Variants in ALYREF observed in about 807,000 individuals in gnomAD.
ALYREF encodes THO complex subunit 4.
In ALYREF, 1 loss-of-function variant was observed where a neutral mutation model predicts 25.2. The ratio of observed to expected loss-of-function variants is 0.04; its 90% CI spans 0.01 to 0.19. The LOEUF (loss-of-function observed/expected upper bound fraction) is 0.19, where lower values mean the gene tolerates loss of function less well. Ranked by LOEUF, ALYREF falls within the 10% of genes least tolerant of loss-of-function variation. The probability of loss-of-function intolerance (pLI) is 1.00; values close to 1 mark genes in which losing one functional copy is unlikely to be tolerated. For synonymous variants in ALYREF, 193 were observed against 153.5 expected (o/e 1.26, Z -1.90); for missense variants, 328 against 375.6 (o/e 0.87, Z 1.05).
At chr17:81,889,053 AAGAG>A in intron 3 of ALYREF, 125 bp downstream of exon 3, 1 of 1,471,922 alleles carries the variant, frequency 6.8e-7, no homozygotes, top group Non-Finnish European at 9.1e-7. Flanking sequence ...TGGCAGATGG[AAGAG>A]AGAGACAAAG....
In ALYREF at chr17:81,890,831, A is replaced by T. The variant is rs1456292689; in HGVS notation, c.259-11T>A. On this transcript the variant is annotated splice_polypyrimidine_tract_variant and intron_variant, in intron 1 of 5. Transcript: ENST00000505490. Reference sequence around the variant, plus strand: ...GGGAAGTTGTTTTGGCTGAAAAAAAAACCGCAACAAGAGCAGATCTGTGAG... The same window carrying T: ...GGGAAGTTGTTTTGGCTGAAAAAAATACCGCAACAAGAGCAGATCTGTGAG... 3.1e-6 allele frequency: 5 copies of T among 1,613,796 alleles called. No homozygotes were observed. Among genetic ancestry groups the T allele is most frequent in the Non-Finnish European group, 4.2e-6 (5 of 1,179,974 alleles).
chr17:81,889,692 G>A, intron 2 of ALYREF: 1 of 227,902 alleles, frequency 4.4e-6, no homozygotes, highest in Non-Finnish European at 9.1e-6. Flanking sequence ...CAAGAGCAAG[G>A]GAAGCAGTCC....
chr17:81,890,969 G>T (rs1030157880), intron 1 of ALYREF, 149 bp from the exon 2 acceptor site: 3 of 1,235,040 alleles, frequency 2.4e-6, no homozygotes, highest in Non-Finnish European at 3.3e-6. Flanking sequence ...CGCTGCAGCT[G>T]CCCCAGCCCG....
Position 81,888,088 on chromosome 17 carries a change from G to C in ALYREF, c.*43C>G, listed in dbSNP as rs377486921. 3.7e-6 allele frequency: 6 copies of C among 1,613,314 alleles called. No individual in the cohort carries two copies. On this transcript the variant is annotated 3_prime_UTR_variant, in exon 6 of 6. Coordinates refer to ENST00000505490, the MANE Select transcript of ALYREF (RefSeq NM_005782.4). This position sits in a 1 kb window ranked among gnomAD's most constrained non-coding sequence, Gnocchi z 5.8. ...CCGCCCCCCAACCAGGGAGCAAGAG[G>C]AGACGCCTGGGTCCTGTTCCGCACG...
intron 1 of ALYREF, 43 bp downstream of exon 1, chr17:81,891,268 CCCAGCCCCGGCT>C (rs1324754894): frequency 3.6e-6 from 4 of 1,099,592 alleles, no homozygotes; most frequent in Non-Finnish European, 4.4e-6. Context: ...CGGCCCCGGC[CCCAGCCCCGGCT>C]GGCCCCCTCC....
intron 1 of ALYREF, 49 bp downstream of exon 1, chr17:81,891,274 C>G (rs2039523257): frequency 2.7e-6 from 3 of 1,105,440 alleles, no homozygotes. Flanking sequence ...CGGCCCCAGC[C>G]CCGGCTGGCC....
At chr17:81,890,578 C>T (rs1303006439) in intron 2 of ALYREF, 111 bp downstream of exon 2, 10 of 1,493,058 alleles carry the variant, frequency 6.7e-6, no homozygotes, top group Non-Finnish European at 9.0e-6. Flanking sequence ...CCCTTCAGAG[C>T]TGGGAGGGCT....
At chr17:81,891,076 C>T (rs1361168939) in intron 1 of ALYREF, 4 of 669,760 alleles carry the variant, frequency 6.0e-6, no homozygotes, top group Non-Finnish European at 9.7e-6. Context: ...TCTCCTGCCA[C>T]GAGGCCCCAA....
intron 3 of ALYREF, 91 bp downstream of exon 3, chr17:81,889,091 C>A (rs1054292645): frequency 1.2e-5 from 19 of 1,547,806 alleles, no homozygotes; most frequent in South Asian, 1.2e-5. Flanking sequence ...GTGTCCTCAG[C>A]CACAGGGGTA....
rs1444905878 is a variant in ALYREF at position 81,888,492 on chromosome 17, C to G, written c.602+28G>C. On this transcript the variant is annotated intron_variant, in intron 4 of 5. Transcript: ENST00000505490. The surrounding 1 kb of genome is among the most constrained non-coding windows in gnomAD (Gnocchi z 5.8). ...CGACGCAGCCTCACCCTCGGCCAAT[C>G]CCCTTCCCCAGAGGCCCCGGAAGTC... is the stretch of plus-strand genomic sequence containing the variant. 3 of 1,602,160 alleles carry G rather than the reference C, an allele frequency of 1.9e-6. No homozygotes were observed. The highest frequency in any genetic ancestry group is 2.6e-6 in the Non-Finnish European group (3 of 1,173,536).
chr17:81,889,166 C>T lies in ALYREF; in HGVS notation c.538+16G>A. The stretch of plus-strand genomic sequence containing the variant: ...CACAAGCCCCACAGTCAGCGTGGGT[C>T]CACCCCCAGACTCACCATCCAGAGG... On this transcript the variant is annotated intron_variant, in intron 3 of 5. Coordinates refer to ENST00000505490, the MANE Select transcript of ALYREF (RefSeq NM_005782.4). 2 of 1,612,632 alleles carry T rather than the reference C, an allele frequency of 1.2e-6. No individual in the cohort carries two copies. The highest frequency in any genetic ancestry group is 1.7e-6 in the Non-Finnish European group (2 of 1,178,744).
In ALYREF at chr17:81,891,470, G is replaced by T; in HGVS notation, c.111C>A (p.Gly37=). The change falls in exon 1 of 6, where the codon GGC becomes GGA. Residue 37 remains glycine, a synonymous_variant. Transcript: ENST00000505490. ...CGCGGCCGCCCTGGGAGCCGGCCCGGCCGCGGCCCCGGCCCCCGCCCCGGC... is the reference window on the plus strand; with the variant it reads ...CGCGGCCGCCCTGGGAGCCGGCCCGTCCGCGGCCCCGGCCCCCGCCCCGGC... ...RGGRGGGRGR[G]RAGSQGGRGG... The T allele has an allele frequency of 8.8e-7, 1 of 1,131,644 alleles. No homozygotes were observed. Among genetic ancestry groups the T allele is most frequent in the South Asian group, 2.4e-5 (1 of 41,094 alleles). 70.1% of individuals were successfully genotyped at this position (1,131,644 alleles called of 1,614,324 possible). A position where few individuals can be genotyped will look rare whatever the true frequency, so the allele number is the denominator to read the frequency against.
chr17:81,890,675 C>A lies in ALYREF; in HGVS notation c.390+14G>T, dbSNP rs754899495. ...GCAGGGCGAACGGCTCACCGAGAAG[C>A]CCTCGTCTCTTACCTGAATATCGGC... On this transcript the variant is annotated intron_variant, in intron 2 of 5. Coordinates refer to ENST00000505490, the MANE Select transcript of ALYREF (RefSeq NM_005782.4). The A allele has an allele frequency of 1.9e-6, 3 of 1,612,894 alleles. No individual in the cohort carries two copies. The highest frequency in any genetic ancestry group is 1.7e-6 in the Non-Finnish European group (2 of 1,179,942).
intron 2 of ALYREF, 100 bp downstream of exon 2, chr17:81,890,589 C>A: frequency 1.3e-6 from 2 of 1,536,956 alleles, no homozygotes; most frequent in Non-Finnish European, 1.8e-6. Context: ...TGGGAGGGCT[C>A]CCTTCGCTAA....
rs563637658 is a variant in ALYREF at position 81,889,462 on chromosome 17, A to G, written c.391-133T>C. ...GGAGGCAGGACAGTGGTTAACGGGAAATGAGGGAAGGGCGGGGCAGGAGGG... is the reference window on the plus strand; with the variant it reads ...GGAGGCAGGACAGTGGTTAACGGGAGATGAGGGAAGGGCGGGGCAGGAGGG... On this transcript the variant is annotated intron_variant, in intron 2 of 5. Coordinates refer to ENST00000505490, the MANE Select transcript of ALYREF (RefSeq NM_005782.4). 66 of 1,053,126 alleles carry G rather than the reference A, an allele frequency of 6.3e-5. No individual in the cohort carries two copies. The South Asian group carries it at 9.4e-4, about 15-fold the overall frequency. The allele number at this position is 1,053,126 out of a possible 1,614,324, so 65.2% of individuals were successfully genotyped here.
chr17:81,889,050 T>C, intron 3 of ALYREF, 132 bp downstream of exon 3: 1 of 1,468,340 alleles, frequency 6.8e-7, no homozygotes, highest in Non-Finnish European at 9.1e-7. Flanking sequence ...AGGTGGCAGA[T>C]GGAAGAGAGA....
At chr17:81,889,489 C>G (rs993271943) in intron 2 of ALYREF, among the ~76,000 whole-genome samples, 160 bp from the exon 3 acceptor site, 6 of 152,154 alleles carry the variant, frequency 3.9e-5, no homozygotes, top group African/African-American at 1.4e-4. Context: ...GCAGGAGGGA[C>G]AGCAACTTCC....
chr17:81,887,873 G>C lies in ALYREF; in HGVS notation c.*258C>G, dbSNP rs1187768562. On this transcript the variant is annotated 3_prime_UTR_variant, in exon 6 of 6. Transcript: ENST00000505490. Reference sequence around the variant, plus strand: ...CACATTTCTATTTTATTATGGAAAAGGTGGAAACGCCACCTTCTCCACAAC... The same window carrying C: ...CACATTTCTATTTTATTATGGAAAACGTGGAAACGCCACCTTCTCCACAAC... 1 of 411,496 alleles carries C rather than the reference G, an allele frequency of 2.4e-6. No homozygotes were observed. The highest frequency in any genetic ancestry group is 4.3e-6 in the Non-Finnish European group (1 of 234,802). 25.5% of individuals were successfully genotyped at this position (411,496 alleles called of 1,614,324 possible).
In ALYREF at chr17:81,891,318, C is replaced by G; in HGVS notation, c.258+5G>C. 8.6e-7 allele frequency: 1 copy of G among 1,157,850 alleles called. No homozygotes were observed. Among genetic ancestry groups the G allele is most frequent in the Non-Finnish European group, 1.1e-6 (1 of 942,576 alleles). 71.7% of individuals were successfully genotyped at this position (1,157,850 alleles called of 1,614,324 possible). A position where few individuals can be genotyped will look rare whatever the true frequency, so the allele number is the denominator to read the frequency against. On this transcript the variant is annotated splice_donor_5th_base_variant and intron_variant, in intron 1 of 5. Transcript: ENST00000505490. ...CTCTCCGGCGCGGCCGGCCTCCGCA[C>G]TCACCCTGCTGTAGGGCGCCGGTCG...
Sources: gnomAD v4.1 joint callset for allele counts (sites outside exome capture counted in the v4.1 genomes callset) on GRCh38, gnomAD v4.1.1 for gene constraint, Gnocchi (gnomAD v3.1) non-coding constraint, MANE v1.5 for transcripts, NCBI Gene and HGNC (gene_info 2026-07-23, HGNC 2026-07-21) for gene names.